SPON1: variants seen among roughly 807,000 people sequenced by gnomAD.
SPON1 encodes the protein spondin 1, also known as spondin-1.
In SPON1, 52 loss-of-function variants were observed where a neutral mutation model predicts 111.7. That is an observed-to-expected ratio of 0.47 (90% CI 0.37 to 0.59). The LOEUF (loss-of-function observed/expected upper bound fraction) is 0.59, where lower values mean the gene tolerates loss of function less well. Among genes scored for constraint, SPON1 ranks in the 20% least tolerant of loss-of-function variants. The pLI is 0.00. For synonymous variants in SPON1, 410 were observed against 395.8 expected (o/e 1.04, Z -0.43); for missense variants, 957 against 1,068.5 (o/e 0.90, Z 1.46).
intron 6 of SPON1, among the ~76,000 whole-genome samples, chr11:14,141,247 G>A (rs1293535059): frequency 1.3e-5 from 2 of 152,100 alleles, no homozygotes; most frequent in African/African-American, 4.8e-5. Flanking sequence ...AATGTGTTTT[G>A]TTATATTTGT....
intron 2 of SPON1, among the ~76,000 whole-genome samples, chr11:14,032,152 T>C (rs1438866277): frequency 6.6e-6 from 1 of 152,222 alleles, no homozygotes; most frequent in Non-Finnish European, 1.5e-5. Flanking sequence ...GTTCGTGATA[T>C]GGTGTGAAAT....
intron 9 of SPON1, among the ~76,000 whole-genome samples, chr11:14,256,308 C>A (rs1591429098): frequency 6.6e-6 from 1 of 152,178 alleles, no homozygotes; most frequent in Non-Finnish European, 1.5e-5. Context: ...AGGCCCAGTG[C>A]TCAAATGAAC....
intron 3 of SPON1, among the ~76,000 whole-genome samples, chr11:14,057,847 AAC>A: frequency 6.6e-6 from 1 of 150,752 alleles, no homozygotes; most frequent in Admixed American, 6.6e-5. Flanking sequence ...AAAAAAACAA[AAC>A]AAAAACTTAA....
At chr11:13,982,334 AG>A (rs1383261289) in intron 1 of SPON1, among the ~76,000 whole-genome samples, 1 of 152,192 alleles carries the variant, frequency 6.6e-6, no homozygotes, top group Non-Finnish European at 1.5e-5. Flanking sequence ...TTCCACTGGC[AG>A]AACTTGGTTA....
intron 3 of SPON1, among the ~76,000 whole-genome samples, chr11:14,044,864 T>C (rs1205970013): frequency 2.0e-5 from 3 of 152,224 alleles, no homozygotes; most frequent in Admixed American, 6.5e-5. Flanking sequence ...TCTGGGTCAG[T>C]ACATACAAAG....
chr11:14,159,695 A>G (rs1847888545), intron 6 of SPON1, among the ~76,000 whole-genome samples: 1 of 152,156 alleles, frequency 6.6e-6, no homozygotes, highest in Admixed American at 6.6e-5. Flanking sequence ...ATGGAGTACT[A>G]TTCAGCCATA....
chr11:14,255,815 C>A lies in SPON1; in HGVS notation c.1233+28C>A, dbSNP rs782531345. On this transcript the variant is annotated intron_variant, in intron 9 of 15. Coordinates refer to ENST00000576479, the MANE Select transcript of SPON1 (RefSeq NM_006108.4). ...ACTGGGTTAGAACCCACTCTGGCAT[C>A]GACCTTTCCCGGTAGGAGTGCCAGG... is the stretch of plus-strand genomic sequence containing the variant. The A allele has an allele frequency of 1.9e-6, 3 of 1,607,906 alleles. 1 individual carries two copies. The highest frequency in any genetic ancestry group is 2.2e-5 in the South Asian group (2 of 90,514).
At chr11:13,980,338 G>A (rs1848134712) in intron 1 of SPON1, among the ~76,000 whole-genome samples, 2 of 152,184 alleles carry the variant, frequency 1.3e-5, no homozygotes, top group Non-Finnish European at 2.9e-5. Flanking sequence ...GCCGCGCCTA[G>A]CCCCTTCTTT....
At chr11:14,166,114 C>A (rs1396728840) in intron 6 of SPON1, among the ~76,000 whole-genome samples, 1 of 152,108 alleles carries the variant, frequency 6.6e-6, no homozygotes, top group Non-Finnish European at 1.5e-5. Flanking sequence ...CCAGATTCCC[C>A]AATGGACTTT....
At position 14,118,922 on chromosome 11, in the gene SPON1, G is replaced by T. The variant is rs533826370; in HGVS notation, c.677-16498G>T. On this transcript the variant is annotated intron_variant, in intron 5 of 15. Coordinates refer to ENST00000576479, the MANE Select transcript of SPON1 (RefSeq NM_006108.4). Reference sequence around the variant, plus strand: ...AGCAAGACAACTGTGAGAATGGAAGGGTATTAGCTGATACCTGTGAAGGAC... The same window carrying T: ...AGCAAGACAACTGTGAGAATGGAAGTGTATTAGCTGATACCTGTGAAGGAC... Among the ~76,000 whole-genome samples the T allele has an allele frequency of 2.0e-5, 3 of 152,276 alleles. No homozygotes were observed. The East Asian group carries it at 5.8e-4, about 29-fold the overall frequency.
At chr11:14,148,514 T>G (rs1179093984) in intron 6 of SPON1, among the ~76,000 whole-genome samples, 1 of 152,194 alleles carries the variant, frequency 6.6e-6, no homozygotes, top group Non-Finnish European at 1.5e-5. Context: ...CACCCAAGCT[T>G]AGGAACATTT....
chr11:13,988,644 T>G (rs1428247713), intron 2 of SPON1, among the ~76,000 whole-genome samples: 1 of 152,236 alleles, frequency 6.6e-6, no homozygotes, highest in Non-Finnish European at 1.5e-5. Context: ...AAGGGAATGC[T>G]TCCAGTTTTT....
At chr11:14,129,680 G>C (rs1243971560) in intron 5 of SPON1, among the ~76,000 whole-genome samples, 4 of 152,076 alleles carry the variant, frequency 2.6e-5, no homozygotes, top group African/African-American at 9.7e-5. Context: ...CTTTATAGCA[G>C]TGCCCCACTT....
chr11:14,105,076 A>G (rs988976469), intron 5 of SPON1, among the ~76,000 whole-genome samples: 2 of 152,102 alleles, frequency 1.3e-5, no homozygotes, highest in Non-Finnish European at 2.9e-5. Context: ...TTTTTAGTGG[A>G]TCTTAAATAG....
rs1346171869 is a variant in SPON1, at chr11:14,075,543, C to CA, written c.553+126dup. ...TGAGTTCCTCTGGGTTCTGCTTCCT[C>CA]ACGTAGCTCCGATTTTTAATCTGGC... On this transcript the variant is annotated intron_variant, in intron 4 of 15. Transcript: ENST00000576479. 4.5e-6 allele frequency: 3 copies of CA among 665,670 alleles called. No homozygotes were observed. In the African/African-American group the frequency reaches 5.4e-5, roughly 12 times the overall value. 41.2% of individuals were successfully genotyped at this position (665,670 alleles called of 1,614,324 possible).
intron 6 of SPON1, among the ~76,000 whole-genome samples, chr11:14,173,567 C>T (rs1458304811): frequency 2.0e-5 from 3 of 152,160 alleles, no homozygotes; most frequent in Admixed American, 1.3e-4. Context: ...AGAAGGGGTG[C>T]TCTGATTTTT....
At chr11:14,192,636 C>T (rs144255188) in intron 6 of SPON1, among the ~76,000 whole-genome samples, 1 of 152,156 alleles carries the variant, frequency 6.6e-6, no homozygotes, top group East Asian at 1.9e-4. Flanking sequence ...GGTACACCCT[C>T]CTCCAAGCCA....
At position 14,266,534 on chromosome 11, in the gene SPON1, A is replaced by G. The variant is rs1554942513; in HGVS notation, c.*847A>G. 6.6e-6 allele frequency: 1 copy of G among 152,152 alleles called. No individual in the cohort carries two copies. Among genetic ancestry groups the G allele is most frequent in the African/African-American group, 2.4e-5 (1 of 41,430 alleles). 9.4% of individuals were successfully genotyped at this position (152,152 alleles called of 1,614,324 possible). On this transcript the variant is annotated 3_prime_UTR_variant, in exon 16 of 16. Transcript: ENST00000576479. The stretch of plus-strand genomic sequence containing the variant: ...CAAAGGAAGCAAAATTGGTCTCTTT[A>G]GAGACCAATTTGCCTAAATTTTAAA...
At chr11:13,963,590 GT>G (rs1343955401) in intron 1 of SPON1, among the ~76,000 whole-genome samples, 1 of 152,176 alleles carries the variant, frequency 6.6e-6, no homozygotes, top group African/African-American at 2.4e-5. Context: ...GAAGGAGAGG[GT>G]ACCCGATTCT....
Sources: allele counts gnomAD v4.1 joint callset (sites outside exome capture counted in the v4.1 genomes callset), GRCh38; gene constraint gnomAD v4.1.1; transcripts MANE v1.5; gene names NCBI Gene and HGNC (gene_info 2026-07-23, HGNC 2026-07-21).